Variants in EIF3D observed in about 807,000 individuals in gnomAD.
EIF3D encodes the protein eukaryotic translation initiation factor 3 subunit D.
In EIF3D, 10 loss-of-function variants were observed where a neutral mutation model predicts 75.4. The observed-to-expected ratio is 0.13, with a 90% CI of 0.08 to 0.22. EIF3D has a LOEUF of 0.22. Among genes scored for constraint, EIF3D ranks in the 10% least tolerant of loss-of-function variants. EIF3D has a pLI of 1.00. For synonymous variants in EIF3D, 246 were observed against 248.3 expected, an observed-to-expected ratio of 0.99 and a Z score of 0.09; for missense variants, 394 against 708.0, an observed-to-expected ratio of 0.56 and a Z score of 5.03.
At chr22:36,516,414 A>ATTCC in intron 12 of EIF3D, 64 bp downstream of exon 12, 1 of 1,571,808 alleles carries the variant, frequency 6.4e-7, no homozygotes, top group Non-Finnish European at 8.7e-7. Context: ...TAGCCTGCGT[A>ATTCC]AACAGGCACT....
intron 3 of EIF3D, 129 bp downstream of exon 3, chr22:36,525,535 T>A (rs1269712112): frequency 2.8e-6 from 3 of 1,053,534 alleles, no homozygotes; most frequent in Non-Finnish European, 4.3e-6. Context: ...CCAGAATACA[T>A]CCCTAAAAGT....
At chr22:36,525,559 T>A in intron 3 of EIF3D, 105 bp downstream of exon 3, 1 of 1,238,790 alleles carries the variant, frequency 8.1e-7, no homozygotes, top group Non-Finnish European at 1.2e-6. Flanking sequence ...GAATTATTGT[T>A]GGCAGTTTCT....
intron 4 of EIF3D, among the ~76,000 whole-genome samples, 159 bp from the exon 5 acceptor site, chr22:36,524,139 G>A (rs1455335983): frequency 6.6e-6 from 1 of 152,090 alleles, no homozygotes; most frequent in African/African-American, 2.4e-5. Flanking sequence ...GCTTGGGGGT[G>A]TTAGGGGGTA....
At chr22:36,524,084 C>A in intron 4 of EIF3D, 104 bp from the exon 5 acceptor site, 1 of 1,088,720 alleles carries the variant, frequency 9.2e-7, no homozygotes, top group Non-Finnish European at 1.4e-6. Flanking sequence ...TGCCAAATCC[C>A]AAGTTTCACA....
Position 36,529,117 on chromosome 22 carries a change from G to A in EIF3D, c.-52C>T, listed in dbSNP as rs1412052281. 4 of 394,938 alleles carry A rather than the reference G, an allele frequency of 1.0e-5. No homozygotes were observed. The Admixed American group carries it at 1.3e-4, about 13-fold the overall frequency. The allele number at this position is 394,938 out of a possible 1,614,324, so 24.5% of individuals were successfully genotyped here. ...CGGCCGGGATGGCAACAGATGGTGC[G>A]TGCCGGGGACCGCGTTAGCAGCAGC... On this transcript the variant is annotated 5_prime_UTR_variant, in exon 1 of 15. It adds an upstream start codon to the 5' untranslated region. Coordinates refer to ENST00000216190, the MANE Select transcript of EIF3D (RefSeq NM_003753.4).
At chr22:36,511,455 G>C (rs1422327738) in intron 14 of EIF3D, 48 bp downstream of exon 14, 1 of 1,601,916 alleles carries the variant, frequency 6.2e-7, no homozygotes, top group East Asian at 2.2e-5. Context: ...TTGCTCCCGT[G>C]CTAGCCCACA....
intron 2 of EIF3D, 57 bp from the exon 3 acceptor site, chr22:36,525,766 G>C: frequency 6.3e-7 from 1 of 1,589,096 alleles, no homozygotes; most frequent in Non-Finnish European, 8.6e-7. Context: ...AGTTTCTGCA[G>C]AACCAGAAAT....
In EIF3D at chr22:36,520,695, T is replaced by G; in HGVS notation, c.466-7A>C. 6.3e-7 allele frequency: 1 copy of G among 1,597,454 alleles called. No individual in the cohort carries two copies. The highest frequency in any genetic ancestry group is 8.6e-7 in the Non-Finnish European group (1 of 1,167,188). On this transcript the variant is annotated splice_polypyrimidine_tract_variant and splice_region_variant and intron_variant, in intron 6 of 14. Coordinates refer to ENST00000216190, the MANE Select transcript of EIF3D (RefSeq NM_003753.4). Reference sequence around the variant, plus strand: ...CTGAAGAGTCTCGGGGTTTCTGCAGTTGAAAACCATTAGAGGAAAAAAAAG... The same window carrying G: ...CTGAAGAGTCTCGGGGTTTCTGCAGGTGAAAACCATTAGAGGAAAAAAAAG...
rs775541989 is a variant in EIF3D at position 36,525,152 on chromosome 22, T to C, written c.170-420A>G. On this transcript the variant is annotated intron_variant, in intron 3 of 14. Transcript: ENST00000216190. ...CTCAGCCTCAGCTATCCTAACTTAG[T>C]TCTCCAGGCAGCCACCTCCAACTAT... Among the ~76,000 whole-genome samples, 114 of 152,202 alleles carry C rather than the reference T, an allele frequency of 7.5e-4. 1 individual carries two copies. The highest frequency in any genetic ancestry group is 7.9e-4 in the Admixed American group (12 of 15,280).
Position 36,511,799 on chromosome 22 carries a change from G to T in EIF3D, c.1350-13C>A. ...CCGAGACACATAACTAACAGGGGAAGGGATATCAGTGGTCAGAGCAGGGCA... is the reference window on the plus strand; with the variant it reads ...CCGAGACACATAACTAACAGGGGAATGGATATCAGTGGTCAGAGCAGGGCA... On this transcript the variant is annotated splice_polypyrimidine_tract_variant and intron_variant, in intron 13 of 14. Transcript: ENST00000216190. 6.2e-7 allele frequency: 1 copy of T among 1,609,568 alleles called. No homozygotes were observed. Among genetic ancestry groups the T allele is most frequent in the South Asian group, 1.1e-5 (1 of 90,898 alleles).
chr22:36,526,209 A>G, intron 1 of EIF3D, 78 bp from the exon 2 acceptor site: 3 of 1,417,562 alleles, frequency 2.1e-6, no homozygotes, highest in Non-Finnish European at 2.8e-6. Context: ...TGAAGTAAGC[A>G]AAGACATAAA....
At position 36,528,296 on chromosome 22, in the gene EIF3D, G is replaced by C. The variant is rs560346135; in HGVS notation, c.-11+780C>G. Among the ~76,000 whole-genome samples the C allele has an allele frequency of 2.0e-5, 3 of 152,156 alleles. No individual in the cohort carries two copies. The East Asian group carries it at 5.8e-4, about 29-fold the overall frequency. ...CCGTACATCATAATACCAAGACAAC[G>C]AGTCTCAAAACACACTTTAAAAAAT... On this transcript the variant is annotated intron_variant, in intron 1 of 14. Transcript: ENST00000216190.
intron 9 of EIF3D, 140 bp from the exon 10 acceptor site, chr22:36,517,571 G>T (rs1934447993): frequency 1.7e-5 from 16 of 953,380 alleles, no homozygotes; most frequent in African/African-American, 3.4e-5. Flanking sequence ...GGGTCTCCCT[G>T]GTGTGGAACA....
intron 12 of EIF3D, 37 bp downstream of exon 12, chr22:36,516,441 T>C: frequency 3.1e-6 from 5 of 1,605,462 alleles, no homozygotes; most frequent in Non-Finnish European, 4.3e-6. Context: ...AATAGAGACA[T>C]GGTGTCACCA....
At chr22:36,515,894 C>CG (rs576909294) in intron 12 of EIF3D, among the ~76,000 whole-genome samples, 322 of 7,578 alleles carry the variant, frequency 0.042, 1 homozygote, top group African/African-American at 0.14. Context: ...GTGATGTGGG[C>CG]GGGGGGGCGG....
intron 2 of EIF3D, 124 bp from the exon 3 acceptor site, chr22:36,525,833 G>C: frequency 6.9e-7 from 1 of 1,453,630 alleles, no homozygotes; most frequent in South Asian, 1.3e-5. Context: ...CAACACCTCT[G>C]TAAGTGCCCA....
intron 10 of EIF3D, 52 bp downstream of exon 10, chr22:36,517,249 C>T: frequency 6.2e-7 from 1 of 1,611,842 alleles, no homozygotes; most frequent in Non-Finnish European, 8.5e-7. Context: ...GCTCCACAAA[C>T]AGCAGCTGAT....
intron 6 of EIF3D, among the ~76,000 whole-genome samples, chr22:36,521,892 G>A (rs144661393): frequency 2.0e-5 from 3 of 151,922 alleles, no homozygotes; most frequent in Non-Finnish European, 4.4e-5. Flanking sequence ...AGCCAAGATC[G>A]CGCCACTGGC....
At chr22:36,513,298 A>C (rs1329662742) in intron 12 of EIF3D, among the ~76,000 whole-genome samples, 1 of 152,094 alleles carries the variant, frequency 6.6e-6, no homozygotes, top group African/African-American at 2.4e-5. Flanking sequence ...ATTTCTTTTA[A>C]ATTTTTTTTC....
Sources: gnomAD v4.1 joint callset for allele counts (sites outside exome capture counted in the v4.1 genomes callset) on GRCh38, gnomAD v4.1.1 for gene constraint, MANE v1.5 for transcripts, NCBI Gene and HGNC (gene_info 2026-07-23, HGNC 2026-07-21) for gene names.